The following GSTA5 variants were observed in gnomAD, a reference collection of about 807,000 sequenced individuals.
The protein encoded by GSTA5 is glutathione S-transferase A5.
A neutral mutation model predicts 21.8 loss-of-function variants in GSTA5; 25 were observed. The observed-to-expected ratio is 1.14, with a 90% CI of 0.83 to 1.60. The LOEUF (loss-of-function observed/expected upper bound fraction) is 1.60, where lower values mean the gene tolerates loss of function less well. Ranked by LOEUF, GSTA5 falls within the 40% of genes most tolerant of loss-of-function variation. The pLI is 0.00. For synonymous variants in GSTA5, 102 were observed against 89.5 expected (o/e 1.14, Z -0.78); for missense variants, 330 against 259.2 (o/e 1.27, Z -1.88).
chr6:52,844,587 C>T (rs1192021378), upstream of GSTA5, among the ~76,000 whole-genome samples: 2 of 152,108 alleles, frequency 1.3e-5, no homozygotes, highest in African/African-American at 4.8e-5. Context: ...TGTTTCTTAT[C>T]GGAGAGAAGG....
chr6:52,843,755 C>G (rs111268961), upstream of GSTA5, among the ~76,000 whole-genome samples: 1 of 152,238 alleles, frequency 6.6e-6, no homozygotes, highest in Non-Finnish European at 1.5e-5. Flanking sequence ...AAGTGTGGGG[C>G]GCGGTTGTTT....
intron 2 of GSTA5, among the ~76,000 whole-genome samples, 172 bp from the exon 3 acceptor site, chr6:52,836,540 C>T (rs1034946131): frequency 6.6e-6 from 1 of 152,202 alleles, no homozygotes; most frequent in African/African-American, 2.4e-5. Context: ...GAGACAGAGT[C>T]TCACTCTGTC....
chr6:52,837,948 G>A (rs1229832430), intron 1 of GSTA5, among the ~76,000 whole-genome samples: 2 of 152,190 alleles, frequency 1.3e-5, no homozygotes, highest in Non-Finnish European at 2.9e-5. Flanking sequence ...AGTAAAGCCC[G>A]TGTCTCCAGG....
At chr6:52,832,985 T>C in exon 5 of GSTA5, 1 of 1,614,014 alleles carries the variant, frequency 6.2e-7, no homozygotes, top group Non-Finnish European at 8.5e-7. Flanking sequence ...TGTGGCTCTT[T>C]AAGACCTGGA....
intron 3 of GSTA5, among the ~76,000 whole-genome samples, chr6:52,835,349 C>T (rs1764276402): frequency 6.6e-6 from 1 of 152,170 alleles, no homozygotes; most frequent in East Asian, 1.9e-4. Flanking sequence ...ATTGGTACTT[C>T]ATTCCTTTTC....
chr6:52,838,074 A>T (rs1764317724), intron 1 of GSTA5, among the ~76,000 whole-genome samples: 1 of 152,250 alleles, frequency 6.6e-6, no homozygotes, highest in Non-Finnish European at 1.5e-5. Flanking sequence ...CCCACTTTTC[A>T]GGAACCCTGC....
Position 52,834,065 on chromosome 6 carries a change from C to T in GSTA5, c.414+76G>A, listed in dbSNP as rs1764256479. ...CTCACTGAAAGTGAAGGTCAGTGGC[C>T]CCAGGAATGCCCAGCCACTATTTTT... On this transcript the variant is annotated intron_variant, in intron 4 of 5. Coordinates refer to ENST00000370989, the Ensembl canonical transcript of GSTA5. 6 of 1,534,102 alleles carry T rather than the reference C, an allele frequency of 3.9e-6. No homozygotes were observed. In the African/African-American group the frequency reaches 4.1e-5, roughly 10 times the overall value.
At chr6:52,839,522 G>C (rs1302884158) in intron 1 of GSTA5, among the ~76,000 whole-genome samples, 1 of 152,332 alleles carries the variant, frequency 6.6e-6, no homozygotes, top group South Asian at 2.1e-4. Context: ...CCTTCGTGAA[G>C]CAACGCACAA....
At chr6:52,835,739 C>T (rs1265500747) in intron 3 of GSTA5, among the ~76,000 whole-genome samples, 5 of 152,216 alleles carry the variant, frequency 3.3e-5, no homozygotes, top group Admixed American at 6.5e-5. Flanking sequence ...GCACCAGCCT[C>T]TACTAGCCCT....
Position 52,840,711 on chromosome 6 carries a change from C to T in GSTA5, c.87+16G>A, listed in dbSNP as rs1245888814. ...AATTTTAAATCCAACTTAAGATGACCTTACTCAGAACCTACCTCTACTCCA... is the reference window on the plus strand; with the variant it reads ...AATTTTAAATCCAACTTAAGATGACTTTACTCAGAACCTACCTCTACTCCA... On this transcript the variant is annotated intron_variant, in intron 1 of 5. Coordinates refer to ENST00000370989, the Ensembl canonical transcript of GSTA5. 8.7e-6 allele frequency: 14 copies of T among 1,610,274 alleles called. No individual in the cohort carries two copies. The highest frequency in any genetic ancestry group is 1.2e-5 in the Non-Finnish European group (14 of 1,177,018).
chr6:52,832,730 T>C (rs1269239964), intron 5 of GSTA5, 129 bp downstream of exon 5: 96 of 1,451,640 alleles, frequency 6.6e-5, no homozygotes, highest in Admixed American at 8.2e-5. Context: ...GAAGCTCATT[T>C]TGGAGACCTT....
At chr6:52,838,503 C>T (rs1764323300) in intron 1 of GSTA5, among the ~76,000 whole-genome samples, 1 of 152,204 alleles carries the variant, frequency 6.6e-6, no homozygotes. Flanking sequence ...TGATCTACAT[C>T]CAGTAACTTA....
chr6:52,844,920 C>T (rs1764432855), upstream of GSTA5, among the ~76,000 whole-genome samples: 1 of 151,984 alleles, frequency 6.6e-6, no homozygotes, highest in Non-Finnish European at 1.5e-5. Flanking sequence ...ATTTATAATC[C>T]TTATCTGTCT....
intron 1 of GSTA5, among the ~76,000 whole-genome samples, chr6:52,839,430 A>G (rs1267259643): frequency 1.3e-5 from 2 of 152,240 alleles, no homozygotes; most frequent in African/African-American, 4.8e-5. Flanking sequence ...TACAAAGGAA[A>G]CAACCTAGAA....
chr6:52,838,350 G>A (rs1179820230), intron 1 of GSTA5, among the ~76,000 whole-genome samples: 1 of 152,162 alleles, frequency 6.6e-6, no homozygotes, highest in African/African-American at 2.4e-5. Context: ...TATGAAATGG[G>A]TATACTTACG....
intron 1 of GSTA5, among the ~76,000 whole-genome samples, chr6:52,840,524 A>G (rs1764357644): frequency 6.6e-6 from 1 of 152,140 alleles, no homozygotes; most frequent in Non-Finnish European, 1.5e-5. Context: ...TAGTTTCTTA[A>G]TTGTATTTTA....
upstream of GSTA5, among the ~76,000 whole-genome samples, chr6:52,841,469 A>C (rs1008696094): frequency 6.6e-6 from 1 of 152,244 alleles, no homozygotes; most frequent in Non-Finnish European, 1.5e-5. Flanking sequence ...GTGAGACTGC[A>C]TTTGATCAAA....
At chr6:52,837,899 C>T (rs1301924175) in intron 1 of GSTA5, among the ~76,000 whole-genome samples, 3 of 152,222 alleles carry the variant, frequency 2.0e-5, no homozygotes, top group Non-Finnish European at 4.4e-5. Flanking sequence ...GGAAAGAAGG[C>T]ACTGAGCAGT....
chr6:52,842,207 A>G (rs1000346022), upstream of GSTA5, among the ~76,000 whole-genome samples: 30 of 152,108 alleles, frequency 2.0e-4, no homozygotes, highest in African/African-American at 7.0e-4. Flanking sequence ...GGACAGATGC[A>G]ACTAATTGTA....
Sources: allele counts gnomAD v4.1 joint callset (sites outside exome capture counted in the v4.1 genomes callset), GRCh38; gene constraint gnomAD v4.1.1; transcripts MANE v1.5; gene names NCBI Gene and HGNC (gene_info 2026-07-23, HGNC 2026-07-21).